Variants in REV3L observed in about 807,000 individuals in gnomAD.
REV3L encodes the protein REV3 like, DNA directed polymerase zeta catalytic subunit, also known as DNA polymerase zeta catalytic subunit.
REV3L carries 69 observed loss-of-function variants against 299.4 expected under a neutral mutation model. The ratio of observed to expected loss-of-function variants is 0.23; its 90% CI spans 0.19 to 0.28. The LOEUF (loss-of-function observed/expected upper bound fraction) is 0.28. Ranked by LOEUF, REV3L falls within the 10% of genes least tolerant of loss-of-function variation. The probability of loss-of-function intolerance (pLI) is 1.00; values close to 1 mark genes in which losing one functional copy is unlikely to be tolerated. For synonymous variants in REV3L, 1,238 were observed against 1,271.4 expected, an observed-to-expected ratio of 0.97 and a Z score of 0.56; for missense variants, 3,128 against 3,693.8, an observed-to-expected ratio of 0.85 and a Z score of 3.97.
intron 20 of REV3L, 149 bp downstream of exon 20, chr6:111,349,069 G>T: frequency 2.0e-6 from 1 of 487,906 alleles, no homozygotes; most frequent in Non-Finnish European, 3.6e-6. Flanking sequence ...TTGCATTTTA[G>T]AAAGTACTAT....
intron 16 of REV3L, 85 bp from the exon 17 acceptor site, chr6:111,359,099 T>C: frequency 9.1e-7 from 1 of 1,101,348 alleles, no homozygotes; most frequent in Non-Finnish European, 1.3e-6. Flanking sequence ...GGGAAATATG[T>C]ATGTAAGATT....
At chr6:111,428,487 G>A (rs888020231) in intron 1 of REV3L, among the ~76,000 whole-genome samples, 1 of 151,850 alleles carries the variant, frequency 6.6e-6, no homozygotes, top group African/African-American at 2.4e-5. Context: ...ACACAGAAAA[G>A]TAATACAGAA....
chr6:111,482,240 C>G (rs1259918748), intron 1 of REV3L, among the ~76,000 whole-genome samples: 13 of 152,326 alleles, frequency 8.5e-5, no homozygotes, highest in Non-Finnish European at 1.9e-4. Flanking sequence ...ATCTCCGGAA[C>G]TGGCAGAGGA....
At position 111,373,605 on chromosome 6, in the gene REV3L, G is replaced by A. The variant is rs1780013417; in HGVS notation, c.4750C>T (p.Arg1584Ter). ...TRSVTSPRKP[R>*]TPRSTKQKEK... ...TTTTGTTTTGTACTTCTGGGAGTTC[G>A]AGGTTTTCTTGGGGACGTTACCGAT... Residue 1584 changes from arginine to a stop codon, truncating the protein, a stop_gained, in exon 13 of 32, where the codon CGA becomes TGA. Coordinates refer to ENST00000368802, the MANE Select transcript of REV3L (RefSeq NM_001372078.1). LOFTEE classifies it high-confidence loss of function. 1.2e-6 allele frequency: 2 copies of A among 1,613,938 alleles called. No homozygotes were observed. The highest frequency in any genetic ancestry group is 1.3e-5 in the African/African-American group (1 of 74,882).
chr6:111,316,949 A>C (rs1233904384), intron 26 of REV3L, among the ~76,000 whole-genome samples: 1 of 152,218 alleles, frequency 6.6e-6, no homozygotes, highest in African/African-American at 2.4e-5. Context: ...AAAATAACTG[A>C]TAAAATGCAT....
In REV3L at chr6:111,405,483, T is replaced by C; in HGVS notation, c.552A>G (p.Lys184=). ...AATTAACCTTACTTTTCCTTCTTGC[T>C]TTTCGGAACTTGACAGCAGCCAGAT... ...LINLAAVKFR[K]ARRKSNTLHA... is the part of the protein sequence containing the mutation. Residue 184 remains lysine (K), a synonymous_variant, in exon 4 of 32, where the codon AAA becomes AAG. Coordinates refer to ENST00000368802, the MANE Select transcript of REV3L (RefSeq NM_001372078.1). 3 of 1,588,454 alleles carry C rather than the reference T, an allele frequency of 1.9e-6. No homozygotes were observed. Among genetic ancestry groups the C allele is most frequent in the Non-Finnish European group, 2.6e-6 (3 of 1,171,854 alleles).
At chr6:111,407,500 G>A (rs1374336862) in intron 3 of REV3L, among the ~76,000 whole-genome samples, 2 of 152,208 alleles carry the variant, frequency 1.3e-5, no homozygotes, top group African/African-American at 2.4e-5. Flanking sequence ...TAACATTTAG[G>A]ATTGTTTTAA....
At chr6:111,456,952 C>T (rs1790229627) in intron 1 of REV3L, among the ~76,000 whole-genome samples, 2 of 152,130 alleles carry the variant, frequency 1.3e-5, no homozygotes, top group Non-Finnish European at 2.9e-5. Flanking sequence ...AATCTCCACA[C>T]TTTGATATTT....
At chr6:111,359,673 T>C (rs1397642610) in intron 16 of REV3L, among the ~76,000 whole-genome samples, 1 of 152,190 alleles carries the variant, frequency 6.6e-6, no homozygotes, top group Non-Finnish European at 1.5e-5. Context: ...AACTTTTAAC[T>C]GTAATTCTTA....
intron 2 of REV3L, chr6:111,412,112 C>T (rs756403285): frequency 1.0e-6 from 1 of 985,182 alleles, no homozygotes; most frequent in African/African-American, 1.7e-5. Context: ...AGACAATGTA[C>T]CTATTATATG....
intron 1 of REV3L, among the ~76,000 whole-genome samples, chr6:111,480,693 T>C (rs1793519265): frequency 6.6e-6 from 1 of 152,030 alleles, no homozygotes; most frequent in Non-Finnish European, 1.5e-5. Context: ...AATTTAAAAT[T>C]TGACTTTCTC....
intron 1 of REV3L, among the ~76,000 whole-genome samples, chr6:111,454,429 T>G (rs1253353460): frequency 6.6e-6 from 1 of 152,162 alleles, no homozygotes; most frequent in Non-Finnish European, 1.5e-5. Context: ...TTAACCCTTT[T>G]TGGGTATACA....
chr6:111,306,010 C>T (rs889681550), intron 31 of REV3L, among the ~76,000 whole-genome samples: 1 of 152,210 alleles, frequency 6.6e-6, no homozygotes, highest in Non-Finnish European at 1.5e-5. Flanking sequence ...GGAACTTGTT[C>T]ATTTATTCAA....
intron 31 of REV3L, among the ~76,000 whole-genome samples, chr6:111,305,409 AGT>A (rs1772167100): frequency 6.6e-6 from 1 of 151,944 alleles, no homozygotes; most frequent in South Asian, 2.1e-4. Flanking sequence ...TGGGCAACAT[AGT>A]GAGACCCGAT....
chr6:111,441,379 A>G (rs1583006279), intron 1 of REV3L, among the ~76,000 whole-genome samples: 1 of 151,880 alleles, frequency 6.6e-6, no homozygotes, highest in Non-Finnish European at 1.5e-5. Context: ...CAGCCTCCCA[A>G]ATGGCTGGGA....
chr6:111,416,342 A>G lies in REV3L; in HGVS notation c.270T>C (p.Ala90=), dbSNP rs1280665199. ...AFSIDRALNV[A]LGNPSSTAQH... ...GAGCAGTGGAAGATGGATTGCCTAA[A>G]GCCACATTAAGTGCTCTGTCGATAC... The change falls in exon 2 of 32, where the codon GCT becomes GCC. Residue 90 remains alanine, a synonymous_variant. Transcript: ENST00000368802. The G allele has an allele frequency of 6.2e-6, 10 of 1,613,864 alleles. No individual in the cohort carries two copies. The highest frequency in any genetic ancestry group is 8.5e-6 in the Non-Finnish European group (10 of 1,179,884).
chr6:111,482,435 G>A (rs1583165210), intron 1 of REV3L, among the ~76,000 whole-genome samples: 1 of 152,184 alleles, frequency 6.6e-6, no homozygotes, highest in East Asian at 1.9e-4. Flanking sequence ...CGGGGCGCCC[G>A]CGGCTTTCGC....
intron 31 of REV3L, among the ~76,000 whole-genome samples, chr6:111,305,339 C>T (rs1325673700): frequency 6.6e-6 from 1 of 151,930 alleles, no homozygotes; most frequent in African/African-American, 2.4e-5. Context: ...TGCCTGTAAT[C>T]CCAGCCCTTA....
intron 16 of REV3L, among the ~76,000 whole-genome samples, chr6:111,363,558 C>A (rs767350778): frequency 6.6e-6 from 1 of 151,984 alleles, no homozygotes; most frequent in Non-Finnish European, 1.5e-5. Flanking sequence ...GATCATCCCA[C>A]CTCCACCTCC....
Sources: gnomAD v4.1 joint callset for allele counts (sites outside exome capture counted in the v4.1 genomes callset) on GRCh38, gnomAD v4.1.1 for gene constraint, MANE v1.5 for transcripts, NCBI Gene and HGNC (gene_info 2026-07-23, HGNC 2026-07-21) for gene names.